PLCG1: variants seen among roughly 807,000 people sequenced by gnomAD.
PLCG1 encodes phospholipase C gamma 1.
Under a neutral mutation model 177.8 loss-of-function variants are expected in PLCG1, and 71 were observed. That is an observed-to-expected ratio of 0.40 (90% CI 0.33 to 0.49). PLCG1 has a LOEUF of 0.49. PLCG1 is among the 20% of genes least tolerant of loss of function. The probability of loss-of-function intolerance (pLI) is 0.72; values close to 1 mark genes in which losing one functional copy is unlikely to be tolerated. For synonymous variants in PLCG1, 658 were observed against 647.9 expected, an observed-to-expected ratio of 1.02 and a Z score of -0.24; for missense variants, 1,281 against 1,709.0, an observed-to-expected ratio of 0.75 and a Z score of 4.42.
In PLCG1 at chr20:41,163,912, C is replaced by T; in HGVS notation, c.1011-9C>T. On this transcript the variant is annotated splice_polypyrimidine_tract_variant and intron_variant, in intron 10 of 31. Transcript: ENST00000685551. This position sits in a 1 kb window ranked among gnomAD's most constrained non-coding sequence, Gnocchi z 5.2. ...GACCATACCTACCTGCCTCTCCTTG[C>T]CTATCCAGGTACCTGACCGGGGACC... The T allele has an allele frequency of 6.2e-7, 1 of 1,613,750 alleles. No individual in the cohort carries two copies. Among genetic ancestry groups the T allele is most frequent in the Non-Finnish European group, 8.5e-7 (1 of 1,179,682 alleles).
rs928190055 is a variant in PLCG1 at position 41,146,736 on chromosome 20, T to G, written c.217+8878T>G. ...TTGAGGGCATGGGCTTGGGTCATAG[T>G]GTCCTTGGCTTGGCCTTGCCCATGG... On this transcript the variant is annotated intron_variant, in intron 1 of 31. Coordinates refer to ENST00000685551, the MANE Select transcript of PLCG1 (RefSeq NM_002660.3). This position sits in a 1 kb window ranked among gnomAD's most constrained non-coding sequence, Gnocchi z 6.3. 6.6e-6 allele frequency among the ~76,000 whole-genome samples: 1 copy of G among 152,340 alleles called. No homozygotes were observed. The highest frequency in any genetic ancestry group is 3.4e-3 in the Middle Eastern group (1 of 294).
rs2035034927 is a variant in PLCG1, at chr20:41,147,662, A to G, written c.217+9804A>G. Among the ~76,000 whole-genome samples, 1 of 152,170 alleles carries G rather than the reference A, an allele frequency of 6.6e-6. No individual in the cohort carries two copies. Among genetic ancestry groups the G allele is most frequent in the Non-Finnish European group, 1.5e-5 (1 of 68,030 alleles). ...TCAGGAGTTCAAGACCAGCCTGGCT[A>G]AGATGGTGAAATCCCATCTCTACTA... is the stretch of plus-strand genomic sequence containing the variant. On this transcript the variant is annotated intron_variant, in intron 1 of 31. Transcript: ENST00000685551. This position sits in a 1 kb window ranked among gnomAD's most constrained non-coding sequence, Gnocchi z 4.0.
Position 41,165,115 on chromosome 20 carries a change from CTTATTGCGGAA to C in PLCG1, c.1386+15_1386+25del, listed in dbSNP as rs1187210734. 6.2e-7 allele frequency: 1 copy of C among 1,608,656 alleles called. No individual in the cohort carries two copies. On this transcript the variant is annotated intron_variant, in intron 13 of 31. Coordinates refer to ENST00000685551, the MANE Select transcript of PLCG1 (RefSeq NM_002660.3). This position sits in a 1 kb window ranked among gnomAD's most constrained non-coding sequence, Gnocchi z 6.6. The stretch of plus-strand genomic sequence containing the variant: ...ATCCTCATCAAGGTGGGGTGGCGGG[CTTATTGCGGAA>C]GCCCCACACTTCTCAGTGCCTTGCC...
chr20:41,168,503 C>T (rs940004399), intron 20 of PLCG1, among the ~76,000 whole-genome samples: 5 of 152,352 alleles, frequency 3.3e-5, no homozygotes, highest in Admixed American at 2.0e-4. Context: ...CTCCCTGTGG[C>T]CCAGGGTGGG....
In PLCG1 at chr20:41,165,885, C is replaced by T. The variant is rs1177522530; in HGVS notation, c.1799+59C>T. On this transcript the variant is annotated intron_variant, in intron 16 of 31. Transcript: ENST00000685551. The surrounding 1 kb of genome is among the most constrained non-coding windows in gnomAD (Gnocchi z 6.6). Reference sequence around the variant, plus strand: ...CAGCGTGTGTACACAGACATCACATCACCCAGAGATAATCAGTTAACATTT... The same window carrying T: ...CAGCGTGTGTACACAGACATCACATTACCCAGAGATAATCAGTTAACATTT... 4 of 1,317,592 alleles carry T rather than the reference C, an allele frequency of 3.0e-6. No individual in the cohort carries two copies. The African/African-American group carries it at 4.4e-5, about 15-fold the overall frequency. The allele number at this position is 1,317,592 out of a possible 1,614,324, so 81.6% of individuals were successfully genotyped here. A position where few individuals can be genotyped will look rare whatever the true frequency, so the allele number is the denominator to read the frequency against.
In PLCG1 at chr20:41,151,791, AG is replaced by A. The variant is rs1274886855; in HGVS notation, c.218-7813del. Among the ~76,000 whole-genome samples the A allele has an allele frequency of 1.3e-5, 2 of 152,216 alleles. No homozygotes were observed. The highest frequency in any genetic ancestry group is 6.5e-5 in the Admixed American group (1 of 15,284). On this transcript the variant is annotated intron_variant, in intron 1 of 31. Transcript: ENST00000685551. This position sits in a 1 kb window ranked among gnomAD's most constrained non-coding sequence, Gnocchi z 5.5. Reference sequence around the variant, plus strand: ...TCAGGCTTCCTTCCCACCTGTGTCCAGGTCCTATCTTTGTCTCTTCTTTGGC... The same window carrying A: ...TCAGGCTTCCTTCCCACCTGTGTCCAGTCCTATCTTTGTCTCTTCTTTGGC...
At position 41,172,380 on chromosome 20, in the gene PLCG1, G is replaced by T; in HGVS notation, c.2906-41G>T. The T allele has an allele frequency of 6.3e-7, 1 of 1,594,596 alleles. No homozygotes were observed. The highest frequency in any genetic ancestry group is 1.1e-5 in the South Asian group (1 of 90,730). On this transcript the variant is annotated intron_variant, in intron 25 of 31. Transcript: ENST00000685551. This position sits in a 1 kb window ranked among gnomAD's most constrained non-coding sequence, Gnocchi z 7.0. The stretch of plus-strand genomic sequence containing the variant: ...TTTAGGTATCCCCCCAACACTTCCT[G>T]GGTGGGCGGGCTCTGTAAGTGTTTT...
In PLCG1 at chr20:41,162,717, C is replaced by G. The variant is rs775883141; in HGVS notation, c.673C>G (p.Gln225Glu). 3 of 1,612,412 alleles carry G rather than the reference C, an allele frequency of 1.9e-6. No homozygotes were observed. The Admixed American group carries it at 5.0e-5, about 27-fold the overall frequency. Residue 225 changes from glutamine (Q) to glutamate (E), a missense_variant, in exon 6 of 32, where the codon CAG becomes GAG. Gln to Glu is a conservative substitution (Grantham distance 29). This residue lies in a region of PLCG1 where 374 missense variants were observed against 443.8 expected (regional missense o/e 0.84). Coordinates refer to ENST00000685551, the MANE Select transcript of PLCG1 (RefSeq NM_002660.3). ...QLYRSLMYSAQKTMDLPFLEA... is the reference protein window; with the variant it reads ...QLYRSLMYSAEKTMDLPFLEA... ...GTACCGCAGCCTCATGTACAGCGCC[C>G]AGAAGACGGTGCATGAGCCACCTGC...
rs1056178637 is a variant in PLCG1, at chr20:41,150,217, A to G, written c.218-9389A>G. ...CATGGTGGCTCACACCTGTAATCCC[A>G]GCACTTTGGGAGGCCGAAGTGAGAG... is the stretch of plus-strand genomic sequence containing the variant. On this transcript the variant is annotated intron_variant, in intron 1 of 31. Coordinates refer to ENST00000685551, the MANE Select transcript of PLCG1 (RefSeq NM_002660.3). The surrounding 1 kb of genome is among the most constrained non-coding windows in gnomAD (Gnocchi z 4.0). Among the ~76,000 whole-genome samples the G allele has an allele frequency of 6.6e-6, 1 of 152,202 alleles. No homozygotes were observed. The highest frequency in any genetic ancestry group is 1.5e-5 in the Non-Finnish European group (1 of 68,030).
Position 41,151,473 on chromosome 20 carries a change from C to A in PLCG1, c.218-8133C>A, listed in dbSNP as rs1447441738. Among the ~76,000 whole-genome samples, 2 of 152,202 alleles carry A rather than the reference C, an allele frequency of 1.3e-5. No homozygotes were observed. The highest frequency in any genetic ancestry group is 2.9e-5 in the Non-Finnish European group (2 of 68,038). On this transcript the variant is annotated intron_variant, in intron 1 of 31. Transcript: ENST00000685551. The surrounding 1 kb of genome is among the most constrained non-coding windows in gnomAD (Gnocchi z 5.5). ...AAGCCCCACCATCGCCTTCCCTTTG[C>A]CATATAACCCTGTGACCTCAGAAGT...
intron 1 of PLCG1, among the ~76,000 whole-genome samples, chr20:41,139,239 A>T (rs1304201637): frequency 1.3e-5 from 2 of 152,192 alleles, no homozygotes; most frequent in East Asian, 3.8e-4. Flanking sequence ...TGACCCTGTC[A>T]GCCATTGGGA....
chr20:41,159,029 C>G lies in PLCG1; in HGVS notation c.218-577C>G, dbSNP rs2035409348. Among the ~76,000 whole-genome samples the G allele has an allele frequency of 6.6e-6, 1 of 152,154 alleles. No individual in the cohort carries two copies. The highest frequency in any genetic ancestry group is 1.5e-5 in the Non-Finnish European group (1 of 68,040). On this transcript the variant is annotated intron_variant, in intron 1 of 31. Transcript: ENST00000685551. The surrounding 1 kb of genome is among the most constrained non-coding windows in gnomAD (Gnocchi z 6.0). ...CCCAGGCAAAATGGTGGTCTGGGTC[C>G]AGGATGGTTGCTGCTCTTGGACAGC...
Position 41,174,507 on chromosome 20 carries a change from T to A in PLCG1, c.3874T>A (p.Ter1292LysextTer16). 6.3e-7 allele frequency: 1 copy of A among 1,585,678 alleles called. No individual in the cohort carries two copies. Among genetic ancestry groups the A allele is most frequent in the Non-Finnish European group, 8.6e-7 (1 of 1,164,794 alleles). ...TCGGGTCAATGGAGACAACCGCCTCTAGTTGTACCCCAGCCTCGTTGGAGA... is the reference window on the plus strand; with the variant it reads ...TCGGGTCAATGGAGACAACCGCCTCAAGTTGTACCCCAGCCTCGTTGGAGA... ...RTRVNGDNRL[*>K] is the part of the protein sequence containing the mutation. The change falls in exon 32 of 32, where the codon TAG becomes AAG. Residue 1292 changes from the stop codon to lysine (K), a stop_lost. Transcript: ENST00000685551. The surrounding 1 kb of genome is among the most constrained non-coding windows in gnomAD (Gnocchi z 5.8).
Position 41,165,801 on chromosome 20 carries a change from G to A in PLCG1, c.1774G>A (p.Val592Met), listed in dbSNP as rs767091320. The change falls in exon 16 of 32, where the codon GTG (valine) becomes ATG (methionine). Residue 592 changes from valine to methionine, a missense_variant. This residue lies in a region of PLCG1 where 723 missense variants were observed against 1,030.0 expected (regional missense o/e 0.70). Coordinates refer to ENST00000685551, the MANE Select transcript of PLCG1 (RefSeq NM_002660.3). The surrounding 1 kb of genome is among the most constrained non-coding windows in gnomAD (Gnocchi z 6.6). The part of the protein sequence containing the change: ...SFLVRESETF[V>M]GDYTLSFWRN... ...CCTCGTGCGAGAGAGTGAGACCTTCGTGGGCGACTACACGCTCTCTTTCTG... is the reference window on the plus strand; with the variant it reads ...CCTCGTGCGAGAGAGTGAGACCTTCATGGGCGACTACACGCTCTCTTTCTG... 3.8e-6 allele frequency: 6 copies of A among 1,594,398 alleles called. No individual in the cohort carries two copies. The highest frequency in any genetic ancestry group is 2.7e-5 in the African/African-American group (2 of 74,394).
At chr20:41,171,796 C>A (rs893021818) in intron 24 of PLCG1, among the ~76,000 whole-genome samples, 59 of 152,080 alleles carry the variant, frequency 3.9e-4, no homozygotes, top group African/African-American at 1.4e-3. Context: ...ATCCCCAGTG[C>A]AGTCACAGGT....
At position 41,167,921 on chromosome 20, in the gene PLCG1, A is replaced by G; in HGVS notation, c.2371A>G (p.Thr791Ala). 1.9e-6 allele frequency: 3 copies of G among 1,612,396 alleles called. No homozygotes were observed. The highest frequency in any genetic ancestry group is 8.5e-7 in the Non-Finnish European group (1 of 1,178,602). Reference sequence around the variant, plus strand: ...CTATGTAGAGGCAAACCCTATGCCAACTTTCAAGGTACAGCTCAGGCCTCT... The same window carrying G: ...CTATGTAGAGGCAAACCCTATGCCAGCTTTCAAGGTACAGCTCAGGCCTCT... Reference protein sequence around the residue: ...GFYVEANPMPTFKCAVKALFD... With the variant: ...GFYVEANPMPAFKCAVKALFD... The change falls in exon 20 of 32, where the codon ACT becomes GCT. Residue 791 changes from threonine to alanine, a missense_variant. Thr to Ala is a moderately conservative substitution (Grantham distance 58, BLOSUM62 0). This residue lies in a region of PLCG1 where 723 missense variants were observed against 1,030.0 expected (regional missense o/e 0.70). Transcript: ENST00000685551. This position sits in a 1 kb window ranked among gnomAD's most constrained non-coding sequence, Gnocchi z 4.4.
At chr20:41,140,588 CCTGA>C (rs1174675482) in intron 1 of PLCG1, among the ~76,000 whole-genome samples, 1 of 152,134 alleles carries the variant, frequency 6.6e-6, no homozygotes, top group African/African-American at 2.4e-5. Context: ...CTTCTTCTGC[CCTGA>C]CTCTGTGCCC....
chr20:41,172,140 T>G lies in PLCG1; in HGVS notation c.2809-53T>G, dbSNP rs938772850. The G allele has an allele frequency of 5.5e-6, 8 of 1,445,862 alleles. No homozygotes were observed. In the African/African-American group the frequency reaches 9.8e-5, roughly 18 times the overall value. 89.6% of individuals were successfully genotyped at this position (1,445,862 alleles called of 1,614,324 possible). Reference sequence around the variant, plus strand: ...TGCCCAAGGTTGGCAGGGGCTTCCTTCTCCTGGGCAGGGCTGTAGCCTGGG... The same window carrying G: ...TGCCCAAGGTTGGCAGGGGCTTCCTGCTCCTGGGCAGGGCTGTAGCCTGGG... On this transcript the variant is annotated intron_variant, in intron 24 of 31. Coordinates refer to ENST00000685551, the MANE Select transcript of PLCG1 (RefSeq NM_002660.3). This position sits in a 1 kb window ranked among gnomAD's most constrained non-coding sequence, Gnocchi z 7.0.
At chr20:41,139,069 G>A (rs970343641) in intron 1 of PLCG1, among the ~76,000 whole-genome samples, 1 of 152,162 alleles carries the variant, frequency 6.6e-6, no homozygotes, top group African/African-American at 2.4e-5. Context: ...AACCTTCTTG[G>A]GTATGGTGTG....
Sources: gnomAD v4.1 joint callset for allele counts (sites outside exome capture counted in the v4.1 genomes callset) on GRCh38, gnomAD v4.1.1 for gene constraint, gnomAD v4.1.1 regional missense constraint, Gnocchi (gnomAD v3.1) non-coding constraint, MANE v1.5 for transcripts, NCBI Gene and HGNC (gene_info 2026-07-23, HGNC 2026-07-21) for gene names.